DDX39A: variants seen among roughly 807,000 people sequenced by gnomAD.
DDX39A encodes the protein ATP-dependent RNA helicase DDX39A.
DDX39A carries 13 observed loss-of-function variants against 46.3 expected under a neutral mutation model. The ratio of observed to expected loss-of-function variants is 0.28; its 90% CI spans 0.18 to 0.45. The LOEUF (loss-of-function observed/expected upper bound fraction) is 0.45, where lower values mean the gene tolerates loss of function less well. DDX39A is among the 20% of genes least tolerant of loss of function. The pLI is 1.00. For synonymous variants in DDX39A, 234 were observed against 224.6 expected, an observed-to-expected ratio of 1.04 and a Z score of -0.38; for missense variants, 352 against 581.8, an observed-to-expected ratio of 0.61 and a Z score of 4.06.
chr19:14,417,537 T>G, intron 1 of DDX39A, among the ~76,000 whole-genome samples: 1 of 149,516 alleles, frequency 6.7e-6, no homozygotes, highest in South Asian at 2.2e-4. Context: ...CTAATGCAAA[T>G]GACGAGTTAA....
rs1008167206 is a variant in DDX39A, at chr19:14,410,024, G to A, written c.733-151C>T. 7.8e-6 allele frequency: 9 copies of A among 1,151,640 alleles called. No homozygotes were observed. Among genetic ancestry groups the A allele is most frequent in the African/African-American group, 1.5e-5 (1 of 66,306 alleles). The allele number at this position is 1,151,640 out of a possible 1,614,324, so 71.3% of individuals were successfully genotyped here. ...AGTAAACATCGCTCAAAAGCTGGAT[G>A]TAAGCTCTGGCCCGACTCAGGTGTG... On this transcript the variant is annotated intron_variant, in intron 6 of 10. Coordinates refer to ENST00000242776, the MANE Select transcript of DDX39A (RefSeq NM_005804.4). The surrounding 1 kb of genome is among the most constrained non-coding windows in gnomAD (Gnocchi z 4.3).
Position 14,411,292 on chromosome 19 carries a change from G to A in DDX39A, c.430-120C>T. The A allele has an allele frequency of 9.7e-6, 12 of 1,239,682 alleles. No homozygotes were observed. Among genetic ancestry groups the A allele is most frequent in the South Asian group, 2.9e-5 (2 of 67,834 alleles). The allele number at this position is 1,239,682 out of a possible 1,614,324, so 76.8% of individuals were successfully genotyped here. ...ACCAAGGCAGGCCTGAGAGCCTCCC[G>A]GGGCTCCACTCAAAGGCAGCCCCAG... is the stretch of plus-strand genomic sequence containing the variant. On this transcript the variant is annotated intron_variant, in intron 4 of 10. Coordinates refer to ENST00000242776, the MANE Select transcript of DDX39A (RefSeq NM_005804.4). The surrounding 1 kb of genome is among the most constrained non-coding windows in gnomAD (Gnocchi z 4.1).
At position 14,409,510 on chromosome 19, in the gene DDX39A, A is replaced by G; in HGVS notation, c.974+26T>C. 1 of 1,610,372 alleles carries G rather than the reference A, an allele frequency of 6.2e-7. No individual in the cohort carries two copies. Among genetic ancestry groups the G allele is most frequent in the Non-Finnish European group, 8.5e-7 (1 of 1,178,794 alleles). ...CTGGGCTCCTGGTGGTGCTCCCTGCAGCCTTGGCGGGCGGCTCGCACTCAC... is the reference window on the plus strand; with the variant it reads ...CTGGGCTCCTGGTGGTGCTCCCTGCGGCCTTGGCGGGCGGCTCGCACTCAC... On this transcript the variant is annotated intron_variant, in intron 8 of 10. Transcript: ENST00000242776. This position sits in a 1 kb window ranked among gnomAD's most constrained non-coding sequence, Gnocchi z 8.3.
chr19:14,409,738 T>C lies in DDX39A; in HGVS notation c.864+4A>G, dbSNP rs1284741112. ...GCCCCAGGACAGGCTGATGGAAGTA[T>C]CACCTGGTTAAACTCCAGCACATCC... On this transcript the variant is annotated splice_donor_region_variant and intron_variant, in intron 7 of 10. Coordinates refer to ENST00000242776, the MANE Select transcript of DDX39A (RefSeq NM_005804.4). This position sits in a 1 kb window ranked among gnomAD's most constrained non-coding sequence, Gnocchi z 8.3. 1.9e-6 allele frequency: 3 copies of C among 1,614,150 alleles called. No homozygotes were observed. The highest frequency in any genetic ancestry group is 2.5e-6 in the Non-Finnish European group (3 of 1,180,010).
upstream of DDX39A, chr19:14,419,351 T>A (rs1976954621): frequency 4.5e-6 from 1 of 221,008 alleles, no homozygotes; most frequent in Non-Finnish European, 9.4e-6. Context: ...CACGAGTTGC[T>A]GCGCTTCCTG....
In DDX39A at chr19:14,409,278, G is replaced by A; in HGVS notation, c.1119+25C>T. On this transcript the variant is annotated intron_variant, in intron 9 of 10. Transcript: ENST00000242776. This position sits in a 1 kb window ranked among gnomAD's most constrained non-coding sequence, Gnocchi z 8.3. ...GGCCCCACCCCACCGCCAGGGGAAAGCAACATGCCCGTGAGGCTGCTCACC... is the reference window on the plus strand; with the variant it reads ...GGCCCCACCCCACCGCCAGGGGAAAACAACATGCCCGTGAGGCTGCTCACC... 1 of 1,613,790 alleles carries A rather than the reference G, an allele frequency of 6.2e-7. No homozygotes were observed. Among genetic ancestry groups the A allele is most frequent in the Non-Finnish European group, 8.5e-7 (1 of 1,179,664 alleles).
chr19:14,417,471 A>T (rs112351776), intron 1 of DDX39A, among the ~76,000 whole-genome samples: 2,050 of 126,802 alleles, frequency 0.016, 50 homozygotes, highest in African/African-American at 0.055. Context: ...AACAATTTTT[A>T]AAAAAGTAGC....
Position 14,410,288 on chromosome 19 carries a change from C to T in DDX39A, c.660G>A (p.Glu220=), listed in dbSNP as rs1359772601. 2 of 1,614,064 alleles carry T rather than the reference C, an allele frequency of 1.2e-6. No individual in the cohort carries two copies. Among genetic ancestry groups the T allele is most frequent in the East Asian group, 4.5e-5 (2 of 44,896 alleles). The change falls in exon 6 of 11, where the codon GAG becomes GAA. Residue 220 remains glutamate, a synonymous_variant. Transcript: ENST00000242776. The surrounding 1 kb of genome is among the most constrained non-coding windows in gnomAD (Gnocchi z 4.3). ...VQEIFRLTPH[E]KQCMMFSATL... is the part of the protein sequence containing the mutation. Reference sequence around the variant, plus strand: ...TGGCGCTGAACATCATGCACTGCTTCTCGTGTGGTGTCAGGCGGAAGATCT... The same window carrying T: ...TGGCGCTGAACATCATGCACTGCTTTTCGTGTGGTGTCAGGCGGAAGATCT...
At chr19:14,418,112 C>A (rs1406053559) in intron 1 of DDX39A, among the ~76,000 whole-genome samples, 2 of 109,780 alleles carry the variant, frequency 1.8e-5, no homozygotes, top group African/African-American at 8.4e-5. Flanking sequence ...CAGAGCAAGG[C>A]TCTGTCTCAA....
chr19:14,419,083 C>T (rs1247700890), intron 1 of DDX39A, 187 bp downstream of exon 1: 10 of 427,998 alleles, frequency 2.3e-5, no homozygotes, highest in Non-Finnish European at 3.7e-5. Flanking sequence ...GGCTGGCCCA[C>T]CCCTAGCGCA....
chr19:14,410,139 G>C lies in DDX39A; in HGVS notation c.732+77C>G. ...CATCCCAGCATCCTCCGTGCCATGTGGGCCGTGCGGGTGTCCTGGGGCCCC... is the reference window on the plus strand; with the variant it reads ...CATCCCAGCATCCTCCGTGCCATGTCGGCCGTGCGGGTGTCCTGGGGCCCC... On this transcript the variant is annotated intron_variant, in intron 6 of 10. Coordinates refer to ENST00000242776, the MANE Select transcript of DDX39A (RefSeq NM_005804.4). This position sits in a 1 kb window ranked among gnomAD's most constrained non-coding sequence, Gnocchi z 4.3. 1 of 1,300,030 alleles carries C rather than the reference G, an allele frequency of 7.7e-7. No individual in the cohort carries two copies. Among genetic ancestry groups the C allele is most frequent in the African/African-American group, 1.5e-5 (1 of 68,878 alleles). 80.5% of individuals were successfully genotyped at this position (1,300,030 alleles called of 1,614,324 possible).
Position 14,410,371 on chromosome 19 carries a change from G to A in DDX39A, c.614-37C>T, listed in dbSNP as rs774684214. On this transcript the variant is annotated intron_variant, in intron 5 of 10. Coordinates refer to ENST00000242776, the MANE Select transcript of DDX39A (RefSeq NM_005804.4). This position sits in a 1 kb window ranked among gnomAD's most constrained non-coding sequence, Gnocchi z 4.3. ...GGGCAAGACATGGGTGGGCATGAGC[G>A]TCTGCCATGCAGGACCCCCACCCCA... The A allele has an allele frequency of 1.6e-5, 25 of 1,576,952 alleles. 1 individual carries two copies. The highest frequency in any genetic ancestry group is 3.3e-4 in the Middle Eastern group (2 of 5,998).
intron 1 of DDX39A, chr19:14,418,979 C>G (rs537132370): frequency 8.8e-6 from 4 of 456,276 alleles, no homozygotes; most frequent in South Asian, 1.5e-5. Flanking sequence ...TCTATTCGGA[C>G]GAACTGACAG....
Position 14,411,691 on chromosome 19 carries a change from G to T in DDX39A, c.337-93C>A. 1.8e-6 allele frequency: 2 copies of T among 1,134,398 alleles called. No homozygotes were observed. Among genetic ancestry groups the T allele is most frequent in the Non-Finnish European group, 2.6e-6 (2 of 768,360 alleles). 70.3% of individuals were successfully genotyped at this position (1,134,398 alleles called of 1,614,324 possible). A position where few individuals can be genotyped will look rare whatever the true frequency, so the allele number is the denominator to read the frequency against. On this transcript the variant is annotated intron_variant, in intron 3 of 10. Transcript: ENST00000242776. The surrounding 1 kb of genome is among the most constrained non-coding windows in gnomAD (Gnocchi z 4.1). The stretch of plus-strand genomic sequence containing the variant: ...CACCCAACCCAGTCCCCCTGACACT[G>T]CACCCAACATCACAGGCCATTTGAA...
At chr19:14,417,541 G>A (rs951588863) in intron 1 of DDX39A, among the ~76,000 whole-genome samples, 3 of 151,360 alleles carry the variant, frequency 2.0e-5, no homozygotes, top group Non-Finnish European at 1.5e-5. Flanking sequence ...TGCAAATGAC[G>A]AGTTAACGGG....
intron 1 of DDX39A, chr19:14,414,118 A>C (rs1057187099): frequency 1.3e-5 from 2 of 151,930 alleles, no homozygotes; most frequent in African/African-American, 4.8e-5. Flanking sequence ...AGCTGCTACA[A>C]TTCTTCCTGA....
Position 14,411,311 on chromosome 19 carries a change from GC to G in DDX39A, c.430-140del. The G allele has an allele frequency of 8.8e-7, 1 of 1,137,574 alleles. No homozygotes were observed. The highest frequency in any genetic ancestry group is 1.2e-6 in the Non-Finnish European group (1 of 807,610). 70.5% of individuals were successfully genotyped at this position (1,137,574 alleles called of 1,614,324 possible). On this transcript the variant is annotated intron_variant, in intron 4 of 10. Coordinates refer to ENST00000242776, the MANE Select transcript of DDX39A (RefSeq NM_005804.4). The surrounding 1 kb of genome is among the most constrained non-coding windows in gnomAD (Gnocchi z 4.1). ...CCTCCCGGGGCTCCACTCAAAGGCA[GC>G]CCCAGGCTGGGACCTGCGCAGGCCC... is the stretch of plus-strand genomic sequence containing the variant.
rs1330369759 is a variant in DDX39A, at chr19:14,409,174, G to A, written c.1130C>T (p.Ala377Val). Residue 377 changes from alanine to valine, a missense_variant, in exon 10 of 11, where the codon GCG becomes GTG. Ala to Val is a moderately conservative substitution (Grantham distance 64, BLOSUM62 0). Transcript: ENST00000242776. This position sits in a 1 kb window ranked among gnomAD's most constrained non-coding sequence, Gnocchi z 8.3. ...TAGGCCTTTGGTGCCAAAGCGACCC[G>A]CCCGGGCCACCTGCAGGCAGACAGG... ...SDTYLHRVAR[A>V]GRFGTKGLAI... 1.2e-6 allele frequency: 2 copies of A among 1,614,026 alleles called. No homozygotes were observed. The highest frequency in any genetic ancestry group is 1.1e-5 in the South Asian group (1 of 91,088).
In DDX39A at chr19:14,410,970, G is replaced by T; in HGVS notation, c.613+19C>A. ...TAGTCACTGACTCTCAGCTGGGGCT[G>T]CAAGGGCAGAGGACTCACCCAGCTG... On this transcript the variant is annotated intron_variant, in intron 5 of 10. Transcript: ENST00000242776. The surrounding 1 kb of genome is among the most constrained non-coding windows in gnomAD (Gnocchi z 4.3). 1.3e-6 allele frequency: 2 copies of T among 1,532,394 alleles called. No homozygotes were observed. Among genetic ancestry groups the T allele is most frequent in the Non-Finnish European group, 1.8e-6 (2 of 1,135,778 alleles). 94.9% of individuals were successfully genotyped at this position (1,532,394 alleles called of 1,614,324 possible).
Sources: allele counts gnomAD v4.1 joint callset (sites outside exome capture counted in the v4.1 genomes callset), GRCh38; gene constraint gnomAD v4.1.1; non-coding constraint Gnocchi (gnomAD v3.1); transcripts MANE v1.5; gene names NCBI Gene and HGNC (gene_info 2026-07-23, HGNC 2026-07-21).